Variants in RBFOX3 observed in about 807,000 individuals in gnomAD.
RBFOX3 encodes the protein RNA binding protein fox-1 homolog 3.
RBFOX3 carries 17 observed loss-of-function variants against 48.7 expected under a neutral mutation model. The ratio of observed to expected loss-of-function variants is 0.35; its 90% CI spans 0.24 to 0.52. RBFOX3 has a LOEUF of 0.52. RBFOX3 is among the 20% of genes least tolerant of loss of function. RBFOX3 has a pLI of 0.94. For missense variants in RBFOX3, 382 were observed against 497.5 expected, an observed-to-expected ratio of 0.77 and a Z score of 2.21; for synonymous variants, 212 against 209.5, an observed-to-expected ratio of 1.01 and a Z score of -0.10.
At chr17:79,537,941 G>T (rs1316805855) in intron 1 of RBFOX3, among the ~76,000 whole-genome samples, 1 of 152,146 alleles carries the variant, frequency 6.6e-6, no homozygotes, top group African/African-American at 2.4e-5. Flanking sequence ...CACACCCCCC[G>T]AGGAGATGCT....
chr17:79,573,163 A>G (rs1248878942), intron 1 of RBFOX3, among the ~76,000 whole-genome samples: 1 of 152,094 alleles, frequency 6.6e-6, no homozygotes, highest in Non-Finnish European at 1.5e-5. Context: ...CAGAGGGGCA[A>G]GAGCCAAGCC....
At chr17:79,650,689 C>G in the RBFOX3 span, among the ~76,000 whole-genome samples, 2 of 152,086 alleles carry the variant, frequency 1.3e-5, no homozygotes, top group East Asian at 3.9e-4. Context: ...GGATGCACTT[C>G]TGGAGAGACT....
intron 1 of RBFOX3, among the ~76,000 whole-genome samples, chr17:79,518,378 G>A (rs1162183074): frequency 2.0e-5 from 3 of 152,190 alleles, no homozygotes; most frequent in African/African-American, 7.2e-5. Context: ...TGGGAGAAGC[G>A]GGCAGGCGGG....
chr17:79,618,663 G>A, the RBFOX3 span, among the ~76,000 whole-genome samples: 1 of 152,216 alleles, frequency 6.6e-6, no homozygotes, highest in East Asian at 1.9e-4. Flanking sequence ...TCCGGAGGAT[G>A]GAGAAGAGAC....
intron 4 of RBFOX3, among the ~76,000 whole-genome samples, chr17:79,166,988 G>A (rs1011501885): frequency 2.6e-5 from 4 of 152,134 alleles, no homozygotes; most frequent in Non-Finnish European, 4.4e-5. Flanking sequence ...GGGGCCCAGA[G>A]ACAGCCTCAA....
At chr17:79,499,462 C>T (rs1265414796) in intron 1 of RBFOX3, among the ~76,000 whole-genome samples, 1 of 152,302 alleles carries the variant, frequency 6.6e-6, no homozygotes, top group African/African-American at 2.4e-5. Context: ...TCTACCCACT[C>T]ACCCATCCAC....
chr17:79,183,338 G>A (rs1488494812), intron 4 of RBFOX3: 1 of 152,544 alleles, frequency 6.6e-6, no homozygotes, highest in African/African-American at 2.4e-5. Flanking sequence ...GACAGCAGGA[G>A]GCAGCCCGAG....
rs979324833 is a variant in RBFOX3, at chr17:79,473,222, G to C, written c.-175+9232C>G. Among the ~76,000 whole-genome samples, 2 of 152,194 alleles carry C rather than the reference G, an allele frequency of 1.3e-5. No individual in the cohort carries two copies. The highest frequency in any genetic ancestry group is 4.8e-5 in the African/African-American group (2 of 41,440). ...CAGGGATCAGGAGCAGCACCTCACG[G>C]GCTGGCACCCATCCACAGACCTCAC... On this transcript the variant is annotated intron_variant, in intron 2 of 14. Coordinates refer to ENST00000693108, the MANE Select transcript of RBFOX3 (RefSeq NM_001350451.2). This position sits in a 1 kb window ranked among gnomAD's most constrained non-coding sequence, Gnocchi z 4.2.
intron 1 of RBFOX3, among the ~76,000 whole-genome samples, chr17:79,533,984 T>C (rs2088274035): frequency 6.6e-6 from 1 of 152,240 alleles, no homozygotes; most frequent in South Asian, 2.1e-4. Context: ...GTAACTTTTT[T>C]CCATTTAACT....
At chr17:79,384,041 G>T (rs973459577) in intron 2 of RBFOX3, among the ~76,000 whole-genome samples, 1 of 152,190 alleles carries the variant, frequency 6.6e-6, no homozygotes, top group Non-Finnish European at 1.5e-5. Context: ...GGACTCTGGA[G>T]GCAAAGCGGG....
chr17:79,105,203 C>T (rs569993765), intron 6 of RBFOX3, among the ~76,000 whole-genome samples: 1 of 152,234 alleles, frequency 6.6e-6, no homozygotes. Context: ...GAAATCCCAA[C>T]TCTGCCAGGT....
upstream of RBFOX3, among the ~76,000 whole-genome samples, chr17:79,614,351 G>A (rs1262525148): frequency 3.3e-5 from 5 of 152,206 alleles, no homozygotes; most frequent in Admixed American, 1.3e-4. Context: ...CACCCTCCTG[G>A]CAGGAGGCCG....
chr17:79,360,438 A>G (rs978416), intron 2 of RBFOX3, among the ~76,000 whole-genome samples: 89,263 of 152,042 alleles, frequency 0.59, 26,760 homozygotes, highest in African/African-American at 0.7. Flanking sequence ...CAAGCGCCGC[A>G]CCCTGGGGCC....
intron 2 of RBFOX3, among the ~76,000 whole-genome samples, chr17:79,453,085 G>C (rs782767827): frequency 6.6e-6 from 1 of 152,246 alleles, no homozygotes; most frequent in African/African-American, 2.4e-5. Flanking sequence ...TCAAATGAGC[G>C]AATTTCTGCA....
At chr17:79,213,208 T>G (rs2058603909) in intron 4 of RBFOX3, among the ~76,000 whole-genome samples, 1 of 152,174 alleles carries the variant, frequency 6.6e-6, no homozygotes, top group Non-Finnish European at 1.5e-5. Context: ...TTCCCCTGTT[T>G]CTCTTGTGAG....
At chr17:79,437,596 T>A (rs148216941) in intron 2 of RBFOX3, among the ~76,000 whole-genome samples, 321 of 152,242 alleles carry the variant, frequency 2.1e-3, no homozygotes, top group African/African-American at 7.3e-3. Context: ...GGCAGATAGA[T>A]CCATGTGGGG....
At chr17:79,123,375 G>T (rs1043444155) in intron 4 of RBFOX3, among the ~76,000 whole-genome samples, 1 of 152,024 alleles carries the variant, frequency 6.6e-6, no homozygotes, top group Non-Finnish European at 1.5e-5. Context: ...TAAGAAAAAC[G>T]AAAACCCTGC....
chr17:79,101,482 C>G, intron 9 of RBFOX3, 102 bp downstream of exon 9: 6 of 1,069,908 alleles, frequency 5.6e-6, no homozygotes, highest in Non-Finnish European at 8.4e-6. Flanking sequence ...ACGGAGGCTG[C>G]CTAGGATCCA....
At chr17:79,342,981 A>T (rs947645112) in intron 2 of RBFOX3, among the ~76,000 whole-genome samples, 1 of 104,914 alleles carries the variant, frequency 9.5e-6, no homozygotes, top group African/African-American at 3.3e-5. Flanking sequence ...AGAAAGAGCG[A>T]GAGAGAGAGA....
Sources: gnomAD v4.1 joint callset for allele counts (sites outside exome capture counted in the v4.1 genomes callset) on GRCh38, gnomAD v4.1.1 for gene constraint, Gnocchi (gnomAD v3.1) non-coding constraint, MANE v1.5 for transcripts, NCBI Gene and HGNC (gene_info 2026-07-23, HGNC 2026-07-21) for gene names.